The following LRMDA variants were observed in gnomAD, a reference collection of about 807,000 sequenced individuals.
LRMDA encodes leucine-rich melanocyte differentiation-associated protein.
In LRMDA, 18 loss-of-function variants were observed where a neutral mutation model predicts 29.8. That is an observed-to-expected ratio of 0.60 (90% CI 0.42 to 0.90). The LOEUF (loss-of-function observed/expected upper bound fraction) is 0.90. Ranked by LOEUF, LRMDA falls within the 40% of genes least tolerant of loss-of-function variation. The pLI is 0.00. For missense variants in LRMDA, 273 were observed against 273.9 expected (o/e 1.00, Z 0.02); for synonymous variants, 125 against 109.4 (o/e 1.14, Z -0.89).
Position 76,220,029 on chromosome 10 carries a change from A to C in LRMDA, c.517-104372A>C, listed in dbSNP as rs572079122. On this transcript the variant is annotated intron_variant, in intron 5 of 6. Coordinates refer to ENST00000611255, the MANE Select transcript of LRMDA (RefSeq NM_001305581.2). ...CTCCTGAATAACTACTGGGTACTTA[A>C]CGAAATGAAGGCAGAAATAAAGATG... 2.6e-5 allele frequency among the ~76,000 whole-genome samples: 4 copies of C among 152,364 alleles called. No individual in the cohort carries two copies. The South Asian group carries it at 8.3e-4, about 32-fold the overall frequency.
At chr10:75,783,555 T>G (rs189597075) in intron 2 of LRMDA, among the ~76,000 whole-genome samples, 32 of 151,312 alleles carry the variant, frequency 2.1e-4, no homozygotes, top group Admixed American at 2.0e-3. Context: ...CTACCTAGCA[T>G]GCTGTTGTAG....
chr10:76,189,951 C>T (rs541011249), intron 5 of LRMDA, among the ~76,000 whole-genome samples: 16 of 152,272 alleles, frequency 1.1e-4, no homozygotes, highest in African/African-American at 2.4e-4. Flanking sequence ...AATCTGGCTA[C>T]GCACCGCAAC....
intron 2 of LRMDA, among the ~76,000 whole-genome samples, chr10:75,710,945 T>G (rs918270503): frequency 1.3e-5 from 2 of 152,266 alleles, no homozygotes; most frequent in Admixed American, 1.3e-4. Context: ...TCAAAGTCAT[T>G]GCCTTGAAAG....
intron 5 of LRMDA, among the ~76,000 whole-genome samples, chr10:76,229,374 A>G (rs977720762): frequency 1.3e-5 from 2 of 152,180 alleles, no homozygotes; most frequent in African/African-American, 4.8e-5. Flanking sequence ...GAAAAAGTAA[A>G]TGATGTTTAG....
At chr10:76,402,346 A>C (rs1280512382) in intron 6 of LRMDA, 2 of 151,956 alleles carry the variant, frequency 1.3e-5, no homozygotes, top group South Asian at 4.2e-4. Flanking sequence ...CTGATCCTTT[A>C]TTTTATTTTA....
intron 6 of LRMDA, among the ~76,000 whole-genome samples, chr10:76,495,650 G>C (rs899904471): frequency 2.0e-5 from 3 of 151,586 alleles, no homozygotes; most frequent in African/African-American, 7.3e-5. Flanking sequence ...CTTGTATTTA[G>C]GTCTTTTAAA....
intron 2 of LRMDA, among the ~76,000 whole-genome samples, chr10:75,982,944 T>G (rs1213897917): frequency 6.6e-6 from 1 of 152,162 alleles, no homozygotes; most frequent in East Asian, 1.9e-4. Flanking sequence ...TATCCCTGTT[T>G]TGTGGGTGAA....
intron 2 of LRMDA, among the ~76,000 whole-genome samples, chr10:75,815,855 C>T (rs938612605): frequency 6.6e-6 from 1 of 152,222 alleles, no homozygotes; most frequent in Admixed American, 6.5e-5. Context: ...TTCACTTAAT[C>T]ATCTCTATAA....
At chr10:76,490,208 A>G (rs1396840048) in intron 6 of LRMDA, among the ~76,000 whole-genome samples, 1 of 151,938 alleles carries the variant, frequency 6.6e-6, no homozygotes, top group African/African-American at 2.4e-5. Context: ...TTTGTCACCT[A>G]ACATAAGATT....
At chr10:76,280,688 T>A (rs1840191641) in intron 5 of LRMDA, among the ~76,000 whole-genome samples, 1 of 152,060 alleles carries the variant, frequency 6.6e-6, no homozygotes, top group South Asian at 2.1e-4. Flanking sequence ...TAAGCACACA[T>A]CAGCACTGTT....
rs1844199133 is a variant in LRMDA at position 75,431,731 on chromosome 10, G to A, written c.7G>A (p.Gly3Arg). 7.4e-7 allele frequency: 1 copy of A among 1,359,348 alleles called. No homozygotes were observed. The highest frequency in any genetic ancestry group is 9.5e-7 in the Non-Finnish European group (1 of 1,051,954). 84.2% of individuals were successfully genotyped at this position (1,359,348 alleles called of 1,614,324 possible). The change falls in exon 1 of 7, where the codon GGG becomes AGG. Residue 3 changes from glycine to arginine, a missense_variant. Transcript: ENST00000611255. MA[G>R]LVVRGTQVSY... Reference sequence around the variant, plus strand: ...CCGCAGCGTCCTGGCCGCCATGGCCGGGCTCGTGGTGCGTGGAACTCAAGT... The same window carrying A: ...CCGCAGCGTCCTGGCCGCCATGGCCAGGCTCGTGGTGCGTGGAACTCAAGT...
At chr10:76,475,445 T>C (rs574019994) in intron 6 of LRMDA, among the ~76,000 whole-genome samples, 52 of 151,964 alleles carry the variant, frequency 3.4e-4, no homozygotes, top group Non-Finnish European at 6.9e-4. Flanking sequence ...CACACAATAA[T>C]AATGCAAGAC....
intron 2 of LRMDA, among the ~76,000 whole-genome samples, chr10:75,708,580 G>T (rs79344486): frequency 6.6e-6 from 1 of 152,036 alleles, no homozygotes; most frequent in East Asian, 1.9e-4. Flanking sequence ...TTAGGCTCTC[G>T]TCATCAAAGC....
chr10:75,740,532 A>T (rs1264641253), intron 2 of LRMDA, among the ~76,000 whole-genome samples: 1 of 152,138 alleles, frequency 6.6e-6, no homozygotes, highest in Non-Finnish European at 1.5e-5. Flanking sequence ...TCTCTTCCCC[A>T]TCTCCAGGCA....
chr10:75,455,940 C>G (rs1564775634), intron 2 of LRMDA, among the ~76,000 whole-genome samples: 1 of 152,130 alleles, frequency 6.6e-6, no homozygotes, highest in Non-Finnish European at 1.5e-5. Context: ...ATCTGTATGC[C>G]CTCAGGGGTG....
At chr10:75,766,438 A>G (rs1357607690) in intron 2 of LRMDA, among the ~76,000 whole-genome samples, 2 of 152,202 alleles carry the variant, frequency 1.3e-5, no homozygotes. Flanking sequence ...TTTGGTAGAC[A>G]GAGCTTCTCA....
At chr10:75,663,591 C>A (rs533266137) in intron 2 of LRMDA, among the ~76,000 whole-genome samples, 1 of 152,272 alleles carries the variant, frequency 6.6e-6, no homozygotes, top group South Asian at 2.1e-4. Context: ...AAGGGATGAC[C>A]TGAGCAGGGT....
intron 6 of LRMDA, among the ~76,000 whole-genome samples, chr10:76,378,869 T>TC (rs1841554705): frequency 6.8e-6 from 1 of 146,800 alleles, no homozygotes; most frequent in Non-Finnish European, 1.5e-5. Context: ...TTTTTTTTTT[T>TC]TTTTTGAGAC....
chr10:76,315,651 C>T (rs1240430855), intron 5 of LRMDA, among the ~76,000 whole-genome samples: 2 of 152,190 alleles, frequency 1.3e-5, no homozygotes, highest in African/African-American at 4.8e-5. Context: ...CCCTGCGGGC[C>T]TGTAGACACC....
Sources: allele counts gnomAD v4.1 joint callset (sites outside exome capture counted in the v4.1 genomes callset), GRCh38; gene constraint gnomAD v4.1.1; transcripts MANE v1.5; gene names NCBI Gene and HGNC (gene_info 2026-07-23, HGNC 2026-07-21).